PTPRD: variants seen among roughly 807,000 people sequenced by gnomAD.
PTPRD encodes the protein receptor-type tyrosine-protein phosphatase delta.
In PTPRD, 34 loss-of-function variants were observed where a neutral mutation model predicts 214.5. The observed-to-expected ratio is 0.16, with a 90% confidence interval of 0.12 to 0.21. The LOEUF (loss-of-function observed/expected upper bound fraction) is 0.21. PTPRD is among the 10% of genes least tolerant of loss of function. The probability of loss-of-function intolerance (pLI) is 1.00; values close to 1 mark genes in which losing one functional copy is unlikely to be tolerated. For synonymous variants in PTPRD, 1,128 were observed against 845.7 expected (o/e 1.33, Z -5.79); for missense variants, 2,545 against 2,398.7 (o/e 1.06, Z -1.27).
chr9:9,166,340 C>T (rs1245378226), intron 10 of PTPRD, among the ~76,000 whole-genome samples: 2 of 152,088 alleles, frequency 1.3e-5, no homozygotes, highest in African/African-American at 4.8e-5. Context: ...GTGTTTATTC[C>T]TGGAATTTTG....
chr9:8,904,615 T>G (rs2098694837), intron 11 of PTPRD, among the ~76,000 whole-genome samples: 1 of 147,710 alleles, frequency 6.8e-6, no homozygotes, highest in Middle Eastern at 3.5e-3. Context: ...AAAGTTGCAG[T>G]GAGCTGAGAT....
chr9:10,042,266 A>C (rs1291745055), intron 3 of PTPRD, among the ~76,000 whole-genome samples: 1 of 151,958 alleles, frequency 6.6e-6, no homozygotes, highest in Non-Finnish European at 1.5e-5. Flanking sequence ...TTTCTGCCAT[A>C]CTATTATGCA....
At chr9:8,755,292 G>A (rs1049292807) in intron 11 of PTPRD, among the ~76,000 whole-genome samples, 5 of 151,504 alleles carry the variant, frequency 3.3e-5, no homozygotes, top group Non-Finnish European at 5.9e-5. Flanking sequence ...CACTTTGGGA[G>A]GCCGAGGTGG....
chr9:8,840,673 G>C (rs1383137131), intron 11 of PTPRD, among the ~76,000 whole-genome samples: 1 of 152,128 alleles, frequency 6.6e-6, no homozygotes, highest in African/African-American at 2.4e-5. Flanking sequence ...TACCACTGGG[G>C]CTTAGTATGT....
chr9:9,190,645 C>A (rs1199028492), intron 9 of PTPRD, among the ~76,000 whole-genome samples: 1 of 152,030 alleles, frequency 6.6e-6, no homozygotes, highest in Non-Finnish European at 1.5e-5. Flanking sequence ...GACACTAATA[C>A]CTTGACATTA....
chr9:10,135,349 C>T (rs1006159775), intron 3 of PTPRD, among the ~76,000 whole-genome samples: 4 of 151,948 alleles, frequency 2.6e-5, no homozygotes, highest in African/African-American at 9.7e-5. Context: ...ATTAGAGATG[C>T]CAATATGCAA....
intron 6 of PTPRD, among the ~76,000 whole-genome samples, chr9:9,741,155 T>G (rs1564901685): frequency 6.6e-6 from 1 of 152,208 alleles, no homozygotes; most frequent in African/African-American, 2.4e-5. Context: ...GTATTGAGTT[T>G]GAAAACGCTA....
intron 14 of PTPRD, among the ~76,000 whole-genome samples, chr9:8,625,190 A>G (rs1176070922): frequency 1.3e-5 from 2 of 151,850 alleles, no homozygotes; most frequent in African/African-American, 4.8e-5. Flanking sequence ...GGTCATATAC[A>G]AACACACTAT....
intron 11 of PTPRD, among the ~76,000 whole-genome samples, chr9:8,791,363 T>A (rs2096227996): frequency 6.6e-6 from 1 of 151,706 alleles, no homozygotes; most frequent in South Asian, 2.1e-4. Context: ...GTAGCTGGGA[T>A]TACAGGCGCA....
intron 14 of PTPRD, among the ~76,000 whole-genome samples, chr9:8,529,080 T>C (rs1162986694): frequency 6.6e-6 from 1 of 152,006 alleles, no homozygotes; most frequent in East Asian, 1.9e-4. Context: ...TTGAGATCAG[T>C]GAGTACCCAG....
chr9:10,249,501 T>C (rs1417507956), intron 3 of PTPRD, among the ~76,000 whole-genome samples: 1 of 152,194 alleles, frequency 6.6e-6, no homozygotes, highest in African/African-American at 2.4e-5. Flanking sequence ...AAAAGCACAC[T>C]GCCTGAGTAA....
intron 14 of PTPRD, among the ~76,000 whole-genome samples, chr9:8,536,566 G>T (rs2076982962): frequency 6.6e-6 from 1 of 151,956 alleles, no homozygotes; most frequent in Non-Finnish European, 1.5e-5. Context: ...ATGAGAAATG[G>T]AAGAGTGTGA....
chr9:8,945,754 G>A (rs968029938), intron 11 of PTPRD, among the ~76,000 whole-genome samples: 1 of 152,028 alleles, frequency 6.6e-6, no homozygotes, highest in African/African-American at 2.4e-5. Context: ...ATCTTTGCCT[G>A]TGTACCTTTG....
At chr9:9,458,526 G>C (rs539558557) in intron 8 of PTPRD, among the ~76,000 whole-genome samples, 1 of 152,148 alleles carries the variant, frequency 6.6e-6, no homozygotes, top group Non-Finnish European at 1.5e-5. Flanking sequence ...TATGAAAAGT[G>C]AAAAATATTG....
intron 21 of PTPRD, among the ~76,000 whole-genome samples, chr9:8,516,568 T>C (rs2097784151): frequency 6.6e-6 from 1 of 152,102 alleles, no homozygotes; most frequent in South Asian, 2.1e-4. Flanking sequence ...GTGAAATAGA[T>C]GATAGGTACA....
chr9:9,870,232 C>T (rs1412602567), intron 5 of PTPRD, among the ~76,000 whole-genome samples: 2 of 151,488 alleles, frequency 1.3e-5, no homozygotes, highest in Non-Finnish European at 3.0e-5. Context: ...TGAAAATTCC[C>T]GAATAAAAAG....
At chr9:8,582,146 G>A (rs1322506065) in intron 14 of PTPRD, among the ~76,000 whole-genome samples, 3 of 152,062 alleles carry the variant, frequency 2.0e-5, no homozygotes, top group Non-Finnish European at 1.5e-5. Flanking sequence ...AATCTGCTAT[G>A]AGACAGAGGC....
intron 14 of PTPRD, among the ~76,000 whole-genome samples, chr9:8,562,812 G>A (rs1374369957): frequency 1.3e-5 from 2 of 150,840 alleles, no homozygotes; most frequent in African/African-American, 4.9e-5. Context: ...TGTTGTAGCT[G>A]AAAAACATTT....
chr9:8,875,453 TAACTC>T (rs2098378568), intron 11 of PTPRD, among the ~76,000 whole-genome samples: 1 of 152,186 alleles, frequency 6.6e-6, no homozygotes, highest in African/African-American at 2.4e-5. Context: ...ACAATACACT[TAACTC>T]AAGACTAGCA....
Sources: allele counts gnomAD v4.1 joint callset (sites outside exome capture counted in the v4.1 genomes callset), GRCh38; gene constraint gnomAD v4.1.1; transcripts MANE v1.5; gene names NCBI Gene and HGNC (gene_info 2026-07-23, HGNC 2026-07-21).